DNAAF4: variants seen among roughly 807,000 people sequenced by gnomAD.
DNAAF4 encodes the protein dynein axonemal assembly factor 4.
In DNAAF4, 43 loss-of-function variants were observed where a neutral mutation model predicts 51.8. The observed-to-expected ratio is 0.83, with a 90% CI of 0.65 to 1.07. The LOEUF (loss-of-function observed/expected upper bound fraction) is 1.07. Ranked by LOEUF, DNAAF4 falls within the 50% of genes least tolerant of loss-of-function variation. DNAAF4 has a pLI of 0.00. For synonymous variants in DNAAF4, 194 were observed against 165.6 expected, an observed-to-expected ratio of 1.17 and a Z score of -1.32; for missense variants, 581 against 493.0, an observed-to-expected ratio of 1.18 and a Z score of -1.69.
chr15:55,440,293 C>T (rs1417133578), intron 6 of DNAAF4, among the ~76,000 whole-genome samples: 2 of 152,076 alleles, frequency 1.3e-5, no homozygotes, highest in African/African-American at 2.4e-5. Flanking sequence ...CCTCGTGATC[C>T]ACCCACCTCG....
Position 55,450,254 on chromosome 15 carries a change from G to C in DNAAF4, c.751C>G (p.Leu251Val). The C allele has an allele frequency of 6.2e-7, 1 of 1,613,586 alleles. No homozygotes were observed. Among genetic ancestry groups the C allele is most frequent in the Non-Finnish European group, 8.5e-7 (1 of 1,179,932 alleles). The change falls in exon 6 of 10, where the codon CTT (leucine) becomes GTT (valine). Residue 251 changes from leucine (L) to valine (V), a missense_variant. Physicochemically the swap from Leu to Val is conservative, Grantham distance 32. Coordinates refer to ENST00000321149, the MANE Select transcript of DNAAF4 (RefSeq NM_130810.4). ...TCTTCTGCTACTTGTGATTCACGAA[G>C]AGCTGTTGGGAATACTCGAGGGGTA... is the stretch of plus-strand genomic sequence containing the variant. The part of the protein sequence containing the change: ...NFTPRVFPTA[L>V]RESQVAEEEE...
rs1404153580 is a variant in DNAAF4 at position 55,480,700 on chromosome 15, T to C, written c.405+10423A>G. 4.6e-5 allele frequency among the ~76,000 whole-genome samples: 7 copies of C among 151,472 alleles called. No homozygotes were observed. The East Asian group carries it at 1.4e-3, about 30-fold the overall frequency. On this transcript the variant is annotated intron_variant, in intron 4 of 9. Coordinates refer to ENST00000321149, the MANE Select transcript of DNAAF4 (RefSeq NM_130810.4). Reference sequence around the variant, plus strand: ...CTGCAGGCGTAGAAACAGGAAATAGTGGGCTTCCAACTTCTCTATCCTATT... The same window carrying C: ...CTGCAGGCGTAGAAACAGGAAATAGCGGGCTTCCAACTTCTCTATCCTATT...
chr15:55,445,995 G>A (rs567668409), intron 6 of DNAAF4, among the ~76,000 whole-genome samples: 420 of 142,492 alleles, frequency 2.9e-3, no homozygotes, highest in Non-Finnish European at 4.7e-3. Flanking sequence ...CATCCCAGAC[G>A]GGGTGGCCGG....
intron 5 of DNAAF4, among the ~76,000 whole-genome samples, chr15:55,457,509 G>C (rs903611982): frequency 6.6e-6 from 1 of 152,070 alleles, no homozygotes; most frequent in Non-Finnish European, 1.5e-5. Flanking sequence ...AGAAACCCGA[G>C]TACTTGTCCC....
At chr15:55,457,584 C>G (rs1485861384) in intron 5 of DNAAF4, among the ~76,000 whole-genome samples, 1 of 152,162 alleles carries the variant, frequency 6.6e-6, no homozygotes, top group Non-Finnish European at 1.5e-5. Flanking sequence ...AGTGCCACCT[C>G]CTGGCTGGAG....
intron 5 of DNAAF4, among the ~76,000 whole-genome samples, chr15:55,460,721 CAT>C (rs147450843): frequency 0.98 from 149,306 of 151,944 alleles, 73,406 homozygotes; most frequent in East Asian, 1. Flanking sequence ...ATGGAACATT[CAT>C]TCCAAGATAA....
chr15:55,458,604 T>G (rs1280169063), intron 5 of DNAAF4, among the ~76,000 whole-genome samples: 4 of 152,190 alleles, frequency 2.6e-5, no homozygotes, highest in African/African-American at 9.7e-5. Flanking sequence ...TCTAAAAGTT[T>G]GGAAAACATA....
At position 55,498,279 on chromosome 15, in the gene DNAAF4, G is replaced by C; in HGVS notation, c.51C>G (p.Val17=). The change falls in exon 2 of 10, where the codon GTC becomes GTG. Residue 17 remains valine (V), a synonymous_variant. Transcript: ENST00000321149. ...CGCCTTTGAGGGGCAGAGACAGAAA[G>C]ACCGCAGTCTTCGTCTGCTGCCAGC... ...DYSWQQTKTA[V]FLSLPLKGVC... is the part of the protein sequence containing the mutation. The C allele has an allele frequency of 6.2e-7, 1 of 1,613,612 alleles. No homozygotes were observed. Among genetic ancestry groups the C allele is most frequent in the Non-Finnish European group, 8.5e-7 (1 of 1,179,758 alleles).
intron 4 of DNAAF4, among the ~76,000 whole-genome samples, chr15:55,483,003 T>C (rs1045346950): frequency 2.0e-5 from 3 of 152,134 alleles, no homozygotes; most frequent in Non-Finnish European, 4.4e-5. Context: ...AACAAATCTA[T>C]AGAAACAGAC....
At chr15:55,454,947 A>G (rs73408869) in intron 5 of DNAAF4, among the ~76,000 whole-genome samples, 7,690 of 151,864 alleles carry the variant, frequency 0.051, 675 homozygotes, top group African/African-American at 0.18. Flanking sequence ...TCTCAAAAAA[A>G]AGAACAATAT....
At chr15:55,466,570 A>G (rs1197854188) in intron 5 of DNAAF4, among the ~76,000 whole-genome samples, 2 of 152,156 alleles carry the variant, frequency 1.3e-5, no homozygotes, top group Non-Finnish European at 2.9e-5. Context: ...TGAAATTCCT[A>G]GTTTCTTATC....
rs142084351 is a variant in DNAAF4 at position 55,498,331 on chromosome 15, C to G, written c.-2G>C. 3 of 1,600,472 alleles carry G rather than the reference C, an allele frequency of 1.9e-6. No individual in the cohort carries two copies. Among genetic ancestry groups the G allele is most frequent in the East Asian group, 4.6e-5 (2 of 43,888 alleles). ...GTAATCGCTAACCTGAAGAGGCATT[C>G]CGGTAGCAACGGGAGCGGATAGCGC... On this transcript the variant is annotated 5_prime_UTR_variant, in exon 2 of 10. Transcript: ENST00000321149.
intron 6 of DNAAF4, among the ~76,000 whole-genome samples, chr15:55,447,779 A>AGAGAGGG (rs1162522677): frequency 3.7e-5 from 3 of 80,334 alleles, no homozygotes; most frequent in East Asian, 5.3e-4. Context: ...CCGTGGAAAG[A>AGAGAGGG]GAGAGGGGAG....
At chr15:55,483,650 C>T (rs533629821) in intron 4 of DNAAF4, among the ~76,000 whole-genome samples, 1 of 151,148 alleles carries the variant, frequency 6.6e-6, no homozygotes, top group South Asian at 2.1e-4. Context: ...AAGTGATTCT[C>T]CTGCCTCAGC....
chr15:55,471,715 G>A (rs1239268174), intron 4 of DNAAF4, among the ~76,000 whole-genome samples: 1 of 151,956 alleles, frequency 6.6e-6, no homozygotes, highest in Non-Finnish European at 1.5e-5. Flanking sequence ...GGGTTTCACT[G>A]TGTTAGCCAG....
intron 6 of DNAAF4, among the ~76,000 whole-genome samples, chr15:55,444,246 T>C (rs1255587789): frequency 6.6e-6 from 1 of 152,258 alleles, no homozygotes; most frequent in Non-Finnish European, 1.5e-5. Flanking sequence ...GGATCCAGTT[T>C]CAGCTTTCTA....
chr15:55,419,859 G>A (rs936378328), intron 7 of DNAAF4, among the ~76,000 whole-genome samples: 1 of 152,004 alleles, frequency 6.6e-6, no homozygotes, highest in Admixed American at 6.6e-5. Context: ...AAAATTAGCT[G>A]GGCATGGCGG....
chr15:55,429,720 G>A (rs1209330025), downstream of DNAAF4, among the ~76,000 whole-genome samples: 1 of 151,640 alleles, frequency 6.6e-6, no homozygotes, highest in African/African-American at 2.4e-5. Context: ...GGGAGGCTAA[G>A]GCAGGAGAAT....
At chr15:55,471,210 G>A (rs879793286) in intron 4 of DNAAF4, among the ~76,000 whole-genome samples, 3 of 152,094 alleles carry the variant, frequency 2.0e-5, no homozygotes, top group Non-Finnish European at 4.4e-5. Context: ...GATGGGGAGG[G>A]GTGCTGCAAG....
Sources: gnomAD v4.1 joint callset for allele counts (sites outside exome capture counted in the v4.1 genomes callset) on GRCh38, gnomAD v4.1.1 for gene constraint, MANE v1.5 for transcripts, NCBI Gene and HGNC (gene_info 2026-07-23, HGNC 2026-07-21) for gene names.